The following PDE10A variants were observed in gnomAD, a reference collection of about 807,000 sequenced individuals.
PDE10A encodes cAMP and cAMP-inhibited cGMP 3',5'-cyclic phosphodiesterase 10A.
Under a neutral mutation model 97.7 loss-of-function variants are expected in PDE10A, and 39 were observed. That is an observed-to-expected ratio of 0.40 (90% CI 0.31 to 0.52). PDE10A has a LOEUF of 0.52. PDE10A is among the 20% of genes least tolerant of loss of function. PDE10A has a pLI of 0.56. For synonymous variants in PDE10A, 371 were observed against 376.8 expected (o/e 0.98, Z 0.18); for missense variants, 731 against 1,047.8 (o/e 0.70, Z 4.17).
At chr6:165,579,180 G>A (rs532397523) in intron 1 of PDE10A, among the ~76,000 whole-genome samples, 1 of 152,346 alleles carries the variant, frequency 6.6e-6, no homozygotes, top group East Asian at 1.9e-4. Flanking sequence ...TGTATGCCAT[G>A]CTAAGGACTT....
intron 19 of PDE10A, 137 bp downstream of exon 19, chr6:165,343,254 C>T: frequency 1.5e-6 from 1 of 662,490 alleles, no homozygotes; most frequent in East Asian, 2.7e-5. Context: ...TGCATAAGTG[C>T]TAAATCCTTC....
intron 18 of PDE10A, among the ~76,000 whole-genome samples, chr6:165,371,557 A>C (rs2128201675): frequency 6.6e-6 from 1 of 152,262 alleles, no homozygotes; most frequent in Admixed American, 6.5e-5. Flanking sequence ...ATAGACCAAT[A>C]ACAGGAGCTG....
intron 1 of PDE10A, among the ~76,000 whole-genome samples, chr6:165,580,924 A>T (rs575664484): frequency 1.3e-5 from 2 of 151,438 alleles, no homozygotes; most frequent in African/African-American, 4.8e-5. Context: ...GTAAGTCTCC[A>T]ACCCAATGAG....
chr6:165,930,217 G>T (rs917121974), intron 1 of PDE10A, among the ~76,000 whole-genome samples: 1 of 152,222 alleles, frequency 6.6e-6, no homozygotes, highest in African/African-American at 2.4e-5. Context: ...TGAAGAAAAT[G>T]GTTTCTTCTC....
intron 1 of PDE10A, among the ~76,000 whole-genome samples, chr6:165,865,016 G>A (rs1179253285): frequency 6.6e-6 from 1 of 152,136 alleles, no homozygotes; most frequent in African/African-American, 2.4e-5. Context: ...TCTTTAAAAT[G>A]TATGCTTTAC....
At chr6:165,644,307 G>C (rs766459701) in intron 1 of PDE10A, among the ~76,000 whole-genome samples, 1 of 152,052 alleles carries the variant, frequency 6.6e-6, no homozygotes, top group South Asian at 2.1e-4. Flanking sequence ...GTGATCTGCC[G>C]GCCTCGGCCT....
intron 1 of PDE10A, among the ~76,000 whole-genome samples, chr6:165,707,270 C>T (rs1224389158): frequency 6.6e-6 from 1 of 152,150 alleles, no homozygotes; most frequent in Non-Finnish European, 1.5e-5. Flanking sequence ...GGATGGGTGG[C>T]GGGCAGCTTG....
At chr6:165,699,078 T>G (rs940397572) in intron 1 of PDE10A, among the ~76,000 whole-genome samples, 1 of 152,146 alleles carries the variant, frequency 6.6e-6, no homozygotes, top group Non-Finnish European at 1.5e-5. Context: ...ATGGTCTAAC[T>G]ATGTGTTGCA....
chr6:165,529,783 T>C (rs564941542), intron 2 of PDE10A, among the ~76,000 whole-genome samples: 7 of 152,348 alleles, frequency 4.6e-5, no homozygotes, highest in African/African-American at 1.4e-4. Context: ...AGCTGTATTA[T>C]GTTAGGCGTA....
chr6:165,769,858 CAAATA>C (rs1255216786), intron 1 of PDE10A, among the ~76,000 whole-genome samples: 5 of 152,066 alleles, frequency 3.3e-5, no homozygotes, highest in Non-Finnish European at 5.9e-5. Context: ...GTGTACAATA[CAAATA>C]AAATAAATTA....
chr6:165,622,290 GTGTGTA>G lies in PDE10A; in HGVS notation c.865+39651_865+39656del, dbSNP rs1394566611. ...TGTTTGTGAGTGTGTGTGTGTGTGT[GTGTGTA>G]TGTGCATGCGTGTGTGTCACTTAAT... On this transcript the variant is annotated intron_variant, in intron 1 of 21. Transcript: ENST00000539869. Among the ~76,000 whole-genome samples the G allele has an allele frequency of 3.1e-3, 468 of 151,388 alleles. 3 individuals carry two copies. The highest frequency in any genetic ancestry group is 8.7e-3 in the African/African-American group (354 of 40,906).
chr6:165,942,119 A>G (rs1412822861), intron 1 of PDE10A, among the ~76,000 whole-genome samples: 3 of 152,112 alleles, frequency 2.0e-5, no homozygotes, highest in Non-Finnish European at 4.4e-5. Flanking sequence ...GGGTTTTCTC[A>G]TAAAAACTTT....
chr6:165,738,704 T>G (rs893198303), intron 1 of PDE10A, among the ~76,000 whole-genome samples: 5 of 152,064 alleles, frequency 3.3e-5, no homozygotes, highest in African/African-American at 4.8e-5. Flanking sequence ...TGATTGCCAT[T>G]CTAACTGGTG....
intron 1 of PDE10A, among the ~76,000 whole-genome samples, chr6:165,603,806 A>C (rs1476784648): frequency 6.6e-6 from 1 of 152,248 alleles, no homozygotes; most frequent in Non-Finnish European, 1.5e-5. Flanking sequence ...ACAACAACAA[A>C]AAATTGGCAC....
chr6:165,723,648 C>A (rs541540694), intron 1 of PDE10A, among the ~76,000 whole-genome samples: 1 of 152,282 alleles, frequency 6.6e-6, no homozygotes, highest in African/African-American at 2.4e-5. Context: ...TACTTTAGTT[C>A]TGTACTTTAG....
intron 1 of PDE10A, among the ~76,000 whole-genome samples, chr6:165,877,772 C>T (rs750016487): frequency 2.0e-5 from 3 of 152,096 alleles, no homozygotes; most frequent in African/African-American, 4.8e-5. Flanking sequence ...CTAACGTTCT[C>T]GAAGAGCTTG....
chr6:165,957,510 C>CA (rs1433766831), intron 1 of PDE10A, among the ~76,000 whole-genome samples: 3 of 152,066 alleles, frequency 2.0e-5, no homozygotes, highest in Non-Finnish European at 4.4e-5. Flanking sequence ...ATCCCAAAAC[C>CA]AAAAAATATA....
At chr6:165,442,463 T>C (rs1188517019) in intron 5 of PDE10A, among the ~76,000 whole-genome samples, 1 of 152,154 alleles carries the variant, frequency 6.6e-6, no homozygotes, top group African/African-American at 2.4e-5. Context: ...AGGAAACTTA[T>C]AATCACAGCG....
chr6:165,435,127 A>G, intron 6 of PDE10A, 110 bp downstream of exon 6: 2 of 1,052,856 alleles, frequency 1.9e-6, no homozygotes, highest in Non-Finnish European at 2.8e-6. Context: ...ACTAGCTTTA[A>G]TGCTTTTTAA....
Sources: allele counts gnomAD v4.1 joint callset (sites outside exome capture counted in the v4.1 genomes callset), GRCh38; gene constraint gnomAD v4.1.1; transcripts MANE v1.5; gene names NCBI Gene and HGNC (gene_info 2026-07-23, HGNC 2026-07-21).